The following AZIN1 variants were observed in gnomAD, a reference collection of about 807,000 sequenced individuals.
The protein encoded by AZIN1 is antizyme inhibitor 1, also known as ornithine decarboxylase antizyme inhibitor.
In AZIN1, 12 loss-of-function variants were observed where a neutral mutation model predicts 47.4. The observed-to-expected ratio is 0.25, with a 90% CI of 0.16 to 0.41. The LOEUF (loss-of-function observed/expected upper bound fraction) is 0.41, where lower values mean the gene tolerates loss of function less well. AZIN1 is among the 10% of genes least tolerant of loss of function. The pLI is 1.00. For missense variants in AZIN1, 410 were observed against 532.4 expected, an observed-to-expected ratio of 0.77 and a Z score of 2.26; for synonymous variants, 155 against 176.3, an observed-to-expected ratio of 0.88 and a Z score of 0.96.
chr8:102,848,494 C>G (rs1482891678), intron 2 of AZIN1, among the ~76,000 whole-genome samples: 2 of 152,192 alleles, frequency 1.3e-5, no homozygotes, highest in African/African-American at 4.8e-5. Flanking sequence ...CTGTCTCTGC[C>G]TCTCTTAAGT....
rs1811809406 is a variant in AZIN1, at chr8:102,836,151, T to C, written c.584+105A>G. The C allele has an allele frequency of 4.7e-6, 6 of 1,278,062 alleles. No individual in the cohort carries two copies. In the African/African-American group the frequency reaches 6.0e-5, roughly 13 times the overall value. The allele number at this position is 1,278,062 out of a possible 1,614,324, so 79.2% of individuals were successfully genotyped here. A position where few individuals can be genotyped will look rare whatever the true frequency, so the allele number is the denominator to read the frequency against. On this transcript the variant is annotated intron_variant, in intron 6 of 11. Transcript: ENST00000337198. ...ATGTGTGTTAAAAGACTAGAAAAAA[T>C]TGCATCTTAGATTTCATGCAAATAA... is the stretch of plus-strand genomic sequence containing the variant.
intron 11 of AZIN1, 114 bp from the exon 12 acceptor site, chr8:102,828,792 GATC>G (rs1265393824): frequency 6.1e-6 from 4 of 654,092 alleles, no homozygotes; most frequent in Non-Finnish European, 1.0e-5. Context: ...ACCTTTAAAA[GATC>G]ATCATTTTTC....
chr8:102,834,851 C>A (rs1263397270), intron 6 of AZIN1, 104 bp from the exon 7 acceptor site: 12 of 710,206 alleles, frequency 1.7e-5, no homozygotes, highest in Non-Finnish European at 2.6e-5. Flanking sequence ...ATTAAGTATC[C>A]CCATTAACTT....
intron 5 of AZIN1, chr8:102,836,624 A>G (rs567209187): frequency 2.1e-6 from 1 of 484,886 alleles, no homozygotes; most frequent in Admixed American, 3.8e-5. Context: ...GCAAGTTAAG[A>G]CTCTGTTGTA....
At chr8:102,836,902 A>T (rs899742903) in intron 5 of AZIN1, among the ~76,000 whole-genome samples, 1 of 151,666 alleles carries the variant, frequency 6.6e-6, no homozygotes, top group East Asian at 1.9e-4. Flanking sequence ...CATTTTTTAA[A>T]TTTTTTTTTC....
chr8:102,845,667 A>AT (rs1248476728), intron 2 of AZIN1, among the ~76,000 whole-genome samples: 22 of 152,250 alleles, frequency 1.4e-4, no homozygotes, highest in Non-Finnish European at 2.6e-4. Flanking sequence ...ATTTAAAAAG[A>AT]TAAATATAAG....
chr8:102,836,161 G>A, intron 6 of AZIN1, 95 bp downstream of exon 6: 1 of 1,348,460 alleles, frequency 7.4e-7, no homozygotes, highest in Non-Finnish European at 1.0e-6. Context: ...TTGCATCTTA[G>A]ATTTCATGCA....
intron 9 of AZIN1, among the ~76,000 whole-genome samples, chr8:102,831,584 A>G (rs1398810052): frequency 6.7e-6 from 1 of 148,950 alleles, no homozygotes; most frequent in Non-Finnish European, 1.5e-5. Flanking sequence ...TGGAGGTTGC[A>G]GTGAGCTGAG....
chr8:102,857,572 CCATATACATATTTAGATA>C (rs1277484960), intron 2 of AZIN1, among the ~76,000 whole-genome samples: 1 of 151,810 alleles, frequency 6.6e-6, no homozygotes, highest in African/African-American at 2.4e-5. Flanking sequence ...TATTTTAATA[CCATATACATATTTAGATA>C]CATATATAAA....
chr8:102,863,209 G>C (rs1813847867), intron 1 of AZIN1, among the ~76,000 whole-genome samples: 1 of 152,138 alleles, frequency 6.6e-6, no homozygotes, highest in African/African-American at 2.4e-5. Flanking sequence ...TCCACCAGAG[G>C]GGGACCGCGC....
chr8:102,852,525 G>A (rs533993885), intron 2 of AZIN1, among the ~76,000 whole-genome samples: 11 of 152,132 alleles, frequency 7.2e-5, no homozygotes, highest in African/African-American at 2.4e-4. Context: ...CAGTGAGACT[G>A]AACCACTGCA....
intron 1 of AZIN1, among the ~76,000 whole-genome samples, chr8:102,861,098 T>C (rs1456138958): frequency 6.6e-6 from 1 of 152,250 alleles, no homozygotes; most frequent in Non-Finnish European, 1.5e-5. Flanking sequence ...GTCAGTTTCT[T>C]AGTTTTAACA....
chr8:102,851,924 C>T (rs1586196076), intron 2 of AZIN1, among the ~76,000 whole-genome samples: 1 of 152,188 alleles, frequency 6.6e-6, no homozygotes, highest in Non-Finnish European at 1.5e-5. Flanking sequence ...CTAGGGACTA[C>T]AGTCTATACC....
intron 9 of AZIN1, among the ~76,000 whole-genome samples, chr8:102,830,945 T>C (rs1347277231): frequency 6.6e-6 from 1 of 152,180 alleles, no homozygotes; most frequent in African/African-American, 2.4e-5. Context: ...CAGGGATCAA[T>C]AGATCCTCTC....
At chr8:102,842,721 A>G (rs1275418009) in intron 3 of AZIN1, among the ~76,000 whole-genome samples, 1 of 150,542 alleles carries the variant, frequency 6.6e-6, no homozygotes, top group Non-Finnish European at 1.5e-5. Context: ...AAAAAAACAA[A>G]AAACAAAAAA....
chr8:102,858,388 C>T (rs1471065253), intron 1 of AZIN1, among the ~76,000 whole-genome samples: 5 of 152,178 alleles, frequency 3.3e-5, no homozygotes, highest in Non-Finnish European at 7.4e-5. Context: ...CTTACCAAGT[C>T]GTTTTATCTG....
intron 6 of AZIN1, among the ~76,000 whole-genome samples, chr8:102,835,808 G>A (rs1255028036): frequency 6.6e-6 from 1 of 152,138 alleles, no homozygotes; most frequent in East Asian, 1.9e-4. Flanking sequence ...CTATTATCAA[G>A]TATTTGAACC....
intron 4 of AZIN1, among the ~76,000 whole-genome samples, chr8:102,839,122 A>C (rs2131221606): frequency 6.6e-6 from 1 of 152,280 alleles, no homozygotes; most frequent in South Asian, 2.1e-4. Context: ...AGCCTCCCAA[A>C]GTGCTACGAG....
At chr8:102,846,247 T>C (rs1408851497) in intron 2 of AZIN1, among the ~76,000 whole-genome samples, 3 of 152,216 alleles carry the variant, frequency 2.0e-5, no homozygotes, top group African/African-American at 4.8e-5. Flanking sequence ...TCAGTACTTA[T>C]AAAAACATCA....
Sources: allele counts gnomAD v4.1 joint callset (sites outside exome capture counted in the v4.1 genomes callset), GRCh38; gene constraint gnomAD v4.1.1; transcripts MANE v1.5; gene names NCBI Gene and HGNC (gene_info 2026-07-23, HGNC 2026-07-21).